The following RAPH1 variants were observed in gnomAD, a reference collection of about 807,000 sequenced individuals.
The protein encoded by RAPH1 is Ras association (RalGDS/AF-6) and pleckstrin homology domains 1, also known as ras-associated and pleckstrin homology domains-containing protein 1.
RAPH1 carries 18 observed loss-of-function variants against 88.1 expected under a neutral mutation model. The ratio of observed to expected loss-of-function variants is 0.20; its 90% CI spans 0.14 to 0.30. The LOEUF is 0.30. Among genes scored for constraint, RAPH1 ranks in the 10% least tolerant of loss-of-function variants. The probability of loss-of-function intolerance (pLI) is 1.00; values close to 1 mark genes in which losing one functional copy is unlikely to be tolerated. For synonymous variants in RAPH1, 587 were observed against 559.0 expected, an observed-to-expected ratio of 1.05 and a Z score of -0.71; for missense variants, 1,448 against 1,543.2, an observed-to-expected ratio of 0.94 and a Z score of 1.03.
chr2:203,518,753 T>C (rs544631167), intron 1 of RAPH1, among the ~76,000 whole-genome samples: 1 of 151,876 alleles, frequency 6.6e-6, no homozygotes, highest in South Asian at 2.1e-4. Context: ...GAAGCTAAGG[T>C]AGGAGGATCA....
chr2:203,517,658 T>C (rs957573512), intron 1 of RAPH1, among the ~76,000 whole-genome samples: 3 of 152,106 alleles, frequency 2.0e-5, no homozygotes, highest in East Asian at 3.8e-4. Context: ...AGAAACCATA[T>C]ATAATGTCTG....
chr2:203,471,735 A>G (rs1447054962), intron 4 of RAPH1, among the ~76,000 whole-genome samples: 1 of 151,938 alleles, frequency 6.6e-6, no homozygotes, highest in East Asian at 1.9e-4. Context: ...GCTATATGGT[A>G]TTTTATTGTC....
rs2098499899 is a variant in RAPH1, at chr2:203,438,069, C to T, written c.*1368G>A. 2.0e-6 allele frequency: 1 copy of T among 498,940 alleles called. No individual in the cohort carries two copies. The highest frequency in any genetic ancestry group is 1.5e-5 in the South Asian group (1 of 67,774). 30.9% of individuals were successfully genotyped at this position (498,940 alleles called of 1,614,324 possible). On this transcript the variant is annotated 3_prime_UTR_variant, in exon 14 of 14. Transcript: ENST00000319170. ...GTTAGAGCACTGACTCCACGTTATACCAAACTGCACACGCATAAAACGTAA... is the reference window on the plus strand; with the variant it reads ...GTTAGAGCACTGACTCCACGTTATATCAAACTGCACACGCATAAAACGTAA...
chr2:203,454,990 AAGACT>A (rs1200270490), intron 9 of RAPH1, among the ~76,000 whole-genome samples: 4 of 152,190 alleles, frequency 2.6e-5, no homozygotes, highest in African/African-American at 7.2e-5. Flanking sequence ...GACTATTGTG[AAGACT>A]AGATGAGATA....
At chr2:203,529,379 G>A (rs1690283130) in intron 1 of RAPH1, among the ~76,000 whole-genome samples, 1 of 152,026 alleles carries the variant, frequency 6.6e-6, no homozygotes, top group African/African-American at 2.4e-5. Context: ...GTTTTGTTTT[G>A]AGACAGAGTT....
At chr2:203,461,103 G>A (rs771670476) in intron 6 of RAPH1, 146 bp downstream of exon 6, 6 of 276,514 alleles carry the variant, frequency 2.2e-5, no homozygotes, top group Non-Finnish European at 3.1e-5. Flanking sequence ...GTGACAGAGC[G>A]AGACTCCATC....
chr2:203,474,049 G>A (rs2098535334), intron 4 of RAPH1, among the ~76,000 whole-genome samples: 1 of 152,190 alleles, frequency 6.6e-6, no homozygotes, highest in Non-Finnish European at 1.5e-5. Flanking sequence ...TGAGCAAGGA[G>A]ACGGGTATCT....
At position 203,434,582 on chromosome 2, in the gene RAPH1, A is replaced by AAAAAG. The variant is rs1031075500; in HGVS notation, c.*4854_*4855insCTTTT. 2 of 150,838 alleles carry AAAAAG rather than the reference A, an allele frequency of 1.3e-5. No individual in the cohort carries two copies. Among genetic ancestry groups the AAAAAG allele is most frequent in the African/African-American group, 4.9e-5 (2 of 40,470 alleles). 9.3% of individuals were successfully genotyped at this position (150,838 alleles called of 1,614,324 possible). A position where few individuals can be genotyped will look rare whatever the true frequency, so the allele number is the denominator to read the frequency against. ...TACAAGTAGCAAAAAAAAAAAAAAA[A>AAAAAG]GTAGGAGGTGGGGAAATAATATGAA... On this transcript the variant is annotated 3_prime_UTR_variant, in exon 14 of 14. Transcript: ENST00000319170.
At chr2:203,459,760 C>T (rs770188203) in intron 7 of RAPH1, 147 bp downstream of exon 7, 284 of 699,894 alleles carry the variant, frequency 4.1e-4, no homozygotes, top group South Asian at 6.6e-4. Flanking sequence ...GCAGCAGCAG[C>T]AGTAGTAGAT....
chr2:203,497,710 G>A (rs2105863709), intron 1 of RAPH1, among the ~76,000 whole-genome samples: 1 of 152,012 alleles, frequency 6.6e-6, no homozygotes, highest in Admixed American at 6.6e-5. Context: ...TATAAATCAG[G>A]TCATTCTACC....
intron 4 of RAPH1, among the ~76,000 whole-genome samples, chr2:203,466,513 A>ACCTTT: frequency 6.6e-6 from 1 of 152,362 alleles, no homozygotes; most frequent in African/African-American, 2.4e-5. Flanking sequence ...TTTATTTATA[A>ACCTTT]AGGCAATGCA....
intron 4 of RAPH1, among the ~76,000 whole-genome samples, chr2:203,474,832 C>T (rs901326997): frequency 3.3e-5 from 5 of 152,198 alleles, no homozygotes; most frequent in Admixed American, 6.5e-5. Flanking sequence ...CACAGAAGGC[C>T]GGGAGTGATG....
At chr2:203,451,916 T>G (rs1581263565) in intron 10 of RAPH1, among the ~76,000 whole-genome samples, 1 of 152,224 alleles carries the variant, frequency 6.6e-6, no homozygotes, top group Admixed American at 6.5e-5. Context: ...GTTGAGTAAC[T>G]TCTGTGAAAT....
At chr2:203,462,000 G>A in intron 4 of RAPH1, 75 bp from the exon 5 acceptor site, 1 of 1,166,640 alleles carries the variant, frequency 8.6e-7, no homozygotes, top group Non-Finnish European at 1.2e-6. Context: ...TATCCTTAAG[G>A]ATGCTCCCAG....
Position 203,444,428 on chromosome 2 carries a change from C to CAA in RAPH1, c.1776+438_1776+439dup, listed in dbSNP as rs79801084. 605 of 82,764 alleles carry CAA rather than the reference C, an allele frequency of 7.3e-3. 14 individuals are homozygous for CAA. In the East Asian group the frequency reaches 0.076, roughly 10 times the overall value. The allele number at this position is 82,764 out of a possible 1,614,324, so 5.1% of individuals were successfully genotyped here. On this transcript the variant is annotated intron_variant, in intron 13 of 13. Transcript: ENST00000319170. Reference sequence around the variant, plus strand: ...GCCTGGCGACAGACTGACACTCTGTCAAAAAAAAAAAAAAAAAAAAAGGAA... The same window carrying CAA: ...GCCTGGCGACAGACTGACACTCTGTCAAAAAAAAAAAAAAAAAAAAAAAGGAA...
At position 203,440,327 on chromosome 2, in the gene RAPH1, A is replaced by G. The variant is rs1197889022; in HGVS notation, c.2863T>C (p.Ser955Pro). The stretch of plus-strand genomic sequence containing the variant: ...GTCTTACTGGTCTTTTTGCCTGGAG[A>G]TCCACTTTTGTCAGGGGTAGGAGAA... Reference protein sequence around the residue: ...TASPTPDKSGSPGKKTSKTSS... With the variant: ...TASPTPDKSGPPGKKTSKTSS... Residue 955 changes from serine (S) to proline (P), a missense_variant, in exon 14 of 14, where the codon TCT becomes CCT. Ser to Pro is a moderately conservative substitution (Grantham distance 74). Transcript: ENST00000319170. 2.5e-6 allele frequency: 4 copies of G among 1,610,292 alleles called. No homozygotes were observed. Among genetic ancestry groups the G allele is most frequent in the South Asian group, 1.1e-5 (1 of 90,934 alleles).
chr2:203,513,212 G>GA (rs1285527445), intron 1 of RAPH1, among the ~76,000 whole-genome samples: 2 of 151,488 alleles, frequency 1.3e-5, no homozygotes, highest in African/African-American at 4.9e-5. Context: ...AGAAAAATGG[G>GA]GGGGGGAATA....
chr2:203,468,067 G>A (rs1252839682), intron 4 of RAPH1, among the ~76,000 whole-genome samples: 1 of 152,186 alleles, frequency 6.6e-6, no homozygotes, highest in Non-Finnish European at 1.5e-5. Flanking sequence ...CACTGACCAT[G>A]TTTATCCAAA....
intron 4 of RAPH1, among the ~76,000 whole-genome samples, chr2:203,472,552 T>A (rs1364027208): frequency 6.6e-6 from 1 of 152,222 alleles, no homozygotes; most frequent in East Asian, 1.9e-4. Flanking sequence ...AAACATGTAC[T>A]GCTACACAAT....
Sources: gnomAD v4.1 joint callset for allele counts (sites outside exome capture counted in the v4.1 genomes callset) on GRCh38, gnomAD v4.1.1 for gene constraint, MANE v1.5 for transcripts, NCBI Gene and HGNC (gene_info 2026-07-23, HGNC 2026-07-21) for gene names.